Variants in MOCOS observed in about 807,000 individuals in gnomAD.
The protein encoded by MOCOS is human molybdenum cofactor sulfurase.
Under a neutral mutation model 83.6 loss-of-function variants are expected in MOCOS, and 86 were observed. That is an observed-to-expected ratio of 1.03 (90% confidence interval 0.86 to 1.23). The LOEUF is 1.23. Among genes scored for constraint, MOCOS ranks in the 50% most tolerant of loss-of-function variants. The pLI, the probability that MOCOS is intolerant of heterozygous loss-of-function variation, is 0.00. For synonymous variants in MOCOS, 445 were observed against 434.7 expected (o/e 1.02, Z -0.29); for missense variants, 1,120 against 1,126.9 (o/e 0.99, Z 0.09).
At chr18:36,259,632 A>C (rs1389637555) in intron 12 of MOCOS, among the ~76,000 whole-genome samples, 3 of 151,238 alleles carry the variant, frequency 2.0e-5, no homozygotes, top group Non-Finnish European at 4.4e-5. Flanking sequence ...AGTGCTTCTT[A>C]GGTCTTTGAT....
intron 9 of MOCOS, among the ~76,000 whole-genome samples, chr18:36,241,140 G>A (rs141597890): frequency 5.3e-4 from 80 of 152,120 alleles, no homozygotes; most frequent in African/African-American, 1.7e-3. Context: ...GTTCCTATTC[G>A]GCCATCTTGG....
chr18:36,206,890 G>A (rs1457466347), intron 6 of MOCOS, among the ~76,000 whole-genome samples: 1 of 152,166 alleles, frequency 6.6e-6, no homozygotes, highest in African/African-American at 2.4e-5. Context: ...CCACTGATGG[G>A]CATATAGGTT....
chr18:36,217,917 T>C (rs1252460161), intron 8 of MOCOS, among the ~76,000 whole-genome samples: 1 of 152,208 alleles, frequency 6.6e-6, no homozygotes, highest in Non-Finnish European at 1.5e-5. Flanking sequence ...CCTCTGTTTC[T>C]GAACTTGGGC....
intron 9 of MOCOS, among the ~76,000 whole-genome samples, chr18:36,229,404 T>C (rs1279819479): frequency 6.6e-6 from 1 of 152,218 alleles, no homozygotes; most frequent in African/African-American, 2.4e-5. Flanking sequence ...CCCTTGTATA[T>C]GACAAGTCAG....
Position 36,269,025 on chromosome 18 carries a change from A to G in MOCOS, c.*340A>G, listed in dbSNP as rs1008810151. ...ACTTACTGCGGGTCCCTATTTTGCC[A>G]TTTTCTCACATTGTTACTTTGTTTT... On this transcript the variant is annotated 3_prime_UTR_variant, in exon 15 of 15. Coordinates refer to ENST00000261326, the MANE Select transcript of MOCOS (RefSeq NM_017947.4). 6.6e-6 allele frequency: 2 copies of G among 303,916 alleles called. No individual in the cohort carries two copies. Among genetic ancestry groups the G allele is most frequent in the African/African-American group, 2.2e-5 (1 of 45,594 alleles). The allele number at this position is 303,916 out of a possible 1,614,324, so 18.8% of individuals were successfully genotyped here. A position where few individuals can be genotyped will look rare whatever the true frequency, so the allele number is the denominator to read the frequency against.
At position 36,251,277 on chromosome 18, in the gene MOCOS, G is replaced by C. The variant is rs1342918239; in HGVS notation, c.2158G>C (p.Gly720Arg). The change falls in exon 11 of 15, where the codon GGA becomes CGA. Residue 720 changes from glycine to arginine, a missense_variant. Transcript: ENST00000261326. ...TCAAAGGAATGCAAAGAAGAAACAT[G>C]GAAAAGGTATTACATTTTGAATTGG... ...NSQRNAKKKH[G>R]KDQLPGTMAT... 6.2e-7 allele frequency: 1 copy of C among 1,613,972 alleles called. No homozygotes were observed. Among genetic ancestry groups the C allele is most frequent in the Non-Finnish European group, 8.5e-7 (1 of 1,179,996 alleles).
At position 36,215,908 on chromosome 18, in the gene MOCOS, G is replaced by A; in HGVS notation, c.1728G>A (p.Glu576=). ...CAGAGAAAGCTGCAGGAGTCCTGGA[G>A]GGGGCCCTTGGGCCACATGTTGTCA... The part of the protein sequence containing the change: ...TPSEKAAGVL[E]GALGPHVVTN... The change falls in exon 8 of 15, where the codon GAG becomes GAA. Residue 576 remains glutamate, a synonymous_variant. Transcript: ENST00000261326. 14 of 1,613,882 alleles carry A rather than the reference G, an allele frequency of 8.7e-6. No homozygotes were observed. The highest frequency in any genetic ancestry group is 1.2e-5 in the Non-Finnish European group (14 of 1,179,824).
Position 36,251,204 on chromosome 18 carries a change from A to G in MOCOS, c.2085A>G (p.Ser695=), listed in dbSNP as rs772513507. 1.2e-6 allele frequency: 2 copies of G among 1,613,750 alleles called. No homozygotes were observed. The highest frequency in any genetic ancestry group is 1.1e-5 in the South Asian group (1 of 91,064). ...GAGAAAAAATTTCAAGCTGGTTGTC[A>G]ACATTTTTTGGCCGTCCTTGTCATT... ...DCGEKISSWL[S]TFFGRPCHLI... is the part of the protein sequence containing the mutation. The change falls in exon 11 of 15, where the codon TCA becomes TCG. Residue 695 remains serine, a synonymous_variant. Coordinates refer to ENST00000261326, the MANE Select transcript of MOCOS (RefSeq NM_017947.4).
chr18:36,213,281 A>G, intron 6 of MOCOS, 85 bp from the exon 7 acceptor site: 1 of 995,930 alleles, frequency 1.0e-6, no homozygotes, highest in Non-Finnish European at 1.6e-6. Context: ...TTATTAGGAA[A>G]GAGAGGTCCA....
At chr18:36,259,619 C>G (rs2091655426) in intron 12 of MOCOS, among the ~76,000 whole-genome samples, 1 of 151,298 alleles carries the variant, frequency 6.6e-6, no homozygotes, top group Non-Finnish European at 1.5e-5. Flanking sequence ...GGAATGAGAT[C>G]TCAGTGCTTC....
At chr18:36,187,727 G>T in intron 1 of MOCOS, 46 bp downstream of exon 1, 2 of 1,251,760 alleles carry the variant, frequency 1.6e-6, no homozygotes, top group South Asian at 7.6e-5. Context: ...TTCTGGAACC[G>T]ACGTGGACGG....
chr18:36,271,164 A>G lies in MOCOS; in HGVS notation c.*2479A>G, dbSNP rs932911342. 1 of 151,996 alleles carries G rather than the reference A, an allele frequency of 6.6e-6. No homozygotes were observed. Among genetic ancestry groups the G allele is most frequent in the African/African-American group, 2.4e-5 (1 of 41,376 alleles). 9.4% of individuals were successfully genotyped at this position (151,996 alleles called of 1,614,324 possible). On this transcript the variant is annotated 3_prime_UTR_variant, in exon 15 of 15. Coordinates refer to ENST00000261326, the MANE Select transcript of MOCOS (RefSeq NM_017947.4). ...CATTTTAATGCAGATCCTCTCCTTT[A>G]CAGCACTATTATTTGGTTATCTACT...
At chr18:36,225,445 C>T (rs943506031) in intron 9 of MOCOS, among the ~76,000 whole-genome samples, 2 of 152,172 alleles carry the variant, frequency 1.3e-5, no homozygotes, top group Non-Finnish European at 2.9e-5. Context: ...CCACTGTGCC[C>T]GGCAAGTTTT....
At chr18:36,252,074 T>C (rs1225516490) in intron 11 of MOCOS, among the ~76,000 whole-genome samples, 1 of 152,222 alleles carries the variant, frequency 6.6e-6, no homozygotes, top group Non-Finnish European at 1.5e-5. Context: ...GATTGTTGCC[T>C]GTTTTTTTCA....
chr18:36,218,711 G>A (rs896787967), intron 8 of MOCOS, among the ~76,000 whole-genome samples: 1 of 150,666 alleles, frequency 6.6e-6, no homozygotes, highest in African/African-American at 2.4e-5. Flanking sequence ...TTAGAGACAG[G>A]GTCTTGCTAT....
rs1468388537 is a variant in MOCOS at position 36,269,657 on chromosome 18, TC to T, written c.*974del. ...ACTTCCAGCCTGGGGTCTTACCCTG[TC>T]CTCTGGAGCAATGCAGAGTGAGTAC... is the stretch of plus-strand genomic sequence containing the variant. On this transcript the variant is annotated 3_prime_UTR_variant, in exon 15 of 15. Transcript: ENST00000261326. The T allele has an allele frequency of 6.6e-6, 1 of 152,296 alleles. No homozygotes were observed. Among genetic ancestry groups the T allele is most frequent in the Non-Finnish European group, 1.5e-5 (1 of 68,086 alleles). The allele number at this position is 152,296 out of a possible 1,614,324, so 9.4% of individuals were successfully genotyped here.
Position 36,195,277 on chromosome 18 carries a change from G to T in MOCOS, c.163G>T (p.Ala55Ser). 1 of 1,614,130 alleles carries T rather than the reference G, an allele frequency of 6.2e-7. No individual in the cohort carries two copies. Among genetic ancestry groups the T allele is most frequent in the Non-Finnish European group, 8.5e-7 (1 of 1,179,968 alleles). ...TTCAGGAACTGTCTATCTTGACCATGCAGGTGCCACCTTGTTCTCCCAGAG... is the reference window on the plus strand; with the variant it reads ...TTCAGGAACTGTCTATCTTGACCATTCAGGTGCCACCTTGTTCTCCCAGAG... ...RLAGTVYLDH[A>S]GATLFSQSQL... The change falls in exon 2 of 15, where the codon GCA becomes TCA. Residue 55 changes from alanine to serine, a missense_variant. By Grantham distance (99) the Ala-to-Ser change is moderately conservative. Coordinates refer to ENST00000261326, the MANE Select transcript of MOCOS (RefSeq NM_017947.4).
At chr18:36,211,177 C>A (rs576864954) in intron 6 of MOCOS, among the ~76,000 whole-genome samples, 5 of 152,136 alleles carry the variant, frequency 3.3e-5, no homozygotes, top group Non-Finnish European at 5.9e-5. Flanking sequence ...TGGTGGCCTT[C>A]GGAAACATCA....
intron 9 of MOCOS, among the ~76,000 whole-genome samples, chr18:36,239,974 T>C (rs1315020273): frequency 6.8e-6 from 1 of 147,160 alleles, no homozygotes; most frequent in Non-Finnish European, 1.5e-5. Context: ...GAGCCTTGGT[T>C]TTCAGCTCCA....
Sources: allele counts gnomAD v4.1 joint callset (sites outside exome capture counted in the v4.1 genomes callset), GRCh38; gene constraint gnomAD v4.1.1; transcripts MANE v1.5; gene names NCBI Gene and HGNC (gene_info 2026-07-23, HGNC 2026-07-21).